ULK4: variants seen among roughly 807,000 people sequenced by gnomAD.
ULK4 encodes inactive serine/threonine-protein kinase ULK4.
A neutral mutation model predicts 160.6 loss-of-function variants in ULK4; 133 were observed. The ratio of observed to expected loss-of-function variants is 0.83; its 90% CI spans 0.72 to 0.96. ULK4 has a LOEUF of 0.96. Among genes scored for constraint, ULK4 ranks in the 40% least tolerant of loss-of-function variants. The pLI, the probability that ULK4 is intolerant of heterozygous loss-of-function variation, is 0.00. For missense variants in ULK4, 1,580 were observed against 1,499.5 expected (o/e 1.05, Z -0.89); for synonymous variants, 534 against 539.8 (o/e 0.99, Z 0.15).
At chr3:41,555,704 A>G (rs537725447) in intron 32 of ULK4, among the ~76,000 whole-genome samples, 3 of 152,382 alleles carry the variant, frequency 2.0e-5, no homozygotes, top group South Asian at 4.1e-4. Context: ...ATTCTATTAT[A>G]AAGACACATG....
intron 2 of ULK4, among the ~76,000 whole-genome samples, chr3:41,954,176 TAAAAAAAA>T (rs11325222): frequency 5.9e-5 from 7 of 118,688 alleles, no homozygotes; most frequent in African/African-American, 1.9e-4. Flanking sequence ...GACTCCGTCT[TAAAAAAAA>T]AAAAAAAAAA....
intron 34 of ULK4, among the ~76,000 whole-genome samples, chr3:41,410,582 A>G (rs2082390956): frequency 6.6e-6 from 1 of 152,194 alleles, no homozygotes; most frequent in Admixed American, 6.5e-5. Context: ...ATATTCTGGA[A>G]TTAGATAATG....
intron 35 of ULK4, among the ~76,000 whole-genome samples, chr3:41,273,649 C>G (rs1392325760): frequency 3.9e-5 from 6 of 152,116 alleles, no homozygotes; most frequent in Non-Finnish European, 8.8e-5. Flanking sequence ...TTGGTCCCAT[C>G]AAACCTCATG....
In ULK4 at chr3:41,663,681, T is replaced by TA. The variant is rs773546821; in HGVS notation, c.2996dup (p.Leu999PhefsTer4). ...CATATGCTGGTACTGGGTCAGGTTC[T>TA]AAAAGAATGTGCTCATACCTGAAAT... On this transcript the variant is annotated frameshift_variant, in exon 30 of 37. Coordinates refer to ENST00000301831, the MANE Select transcript of ULK4 (RefSeq NM_017886.4). LOFTEE classifies it high-confidence loss of function. The TA allele has an allele frequency of 1.2e-6, 2 of 1,613,904 alleles. No homozygotes were observed. Among genetic ancestry groups the TA allele is most frequent in the East Asian group, 4.5e-5 (2 of 44,842 alleles).
At chr3:41,461,534 G>A (rs942770252) in intron 33 of ULK4, among the ~76,000 whole-genome samples, 2 of 152,188 alleles carry the variant, frequency 1.3e-5, no homozygotes, top group Non-Finnish European at 2.9e-5. Flanking sequence ...CAGATATTAT[G>A]AGGGATGATT....
chr3:41,540,160 T>C (rs904083438), intron 32 of ULK4, among the ~76,000 whole-genome samples: 20 of 152,088 alleles, frequency 1.3e-4, no homozygotes, highest in African/African-American at 4.8e-4. Context: ...ACTGCACCCA[T>C]CAACCCGTCA....
At chr3:41,424,498 C>T (rs564819955) in intron 34 of ULK4, among the ~76,000 whole-genome samples, 197 of 152,264 alleles carry the variant, frequency 1.3e-3, no homozygotes, top group Non-Finnish European at 2.4e-3. Context: ...TGCCAGACAC[C>T]TTATACAAGA....
At chr3:41,797,839 T>C (rs1009001396) in intron 20 of ULK4, among the ~76,000 whole-genome samples, 6 of 148,194 alleles carry the variant, frequency 4.0e-5, no homozygotes, top group African/African-American at 2.5e-5. Flanking sequence ...CCAGCCTGGG[T>C]GACAAGAGCA....
intron 35 of ULK4, among the ~76,000 whole-genome samples, chr3:41,341,606 AGGTAAAGACCAAG>A (rs139847054): frequency 2.2e-3 from 330 of 152,320 alleles, no homozygotes; most frequent in East Asian, 0.015. Context: ...CAACCTGTAA[AGGTAAAGACCAAG>A]GGAAAAGAAC....
chr3:41,594,403 G>A (rs2031553529), intron 31 of ULK4, among the ~76,000 whole-genome samples: 5 of 152,066 alleles, frequency 3.3e-5, no homozygotes, highest in Admixed American at 3.3e-4. Flanking sequence ...AGCTGGGCAT[G>A]GTGGCACGTG....
intron 17 of ULK4, among the ~76,000 whole-genome samples, chr3:41,856,618 C>CAT (rs200681879): frequency 4.4e-4 from 40 of 91,136 alleles, no homozygotes; most frequent in South Asian, 1.1e-3. Context: ...TATATATACA[C>CAT]ATATATATAT....
chr3:41,896,803 G>A lies in ULK4; in HGVS notation c.1530+19C>T. Reference sequence around the variant, plus strand: ...AAAAACACAAATTAAAATGCATAAGGCATGTCACACAGGCTTACCAGGGGG... The same window carrying A: ...AAAAACACAAATTAAAATGCATAAGACATGTCACACAGGCTTACCAGGGGG... On this transcript the variant is annotated intron_variant, in intron 15 of 36. Coordinates refer to ENST00000301831, the MANE Select transcript of ULK4 (RefSeq NM_017886.4). The A allele has an allele frequency of 1.3e-6, 2 of 1,597,376 alleles. No homozygotes were observed.
chr3:41,803,960 CTTTATAGCAGCATGA>C (rs2040554135), intron 19 of ULK4, among the ~76,000 whole-genome samples: 1 of 152,138 alleles, frequency 6.6e-6, no homozygotes, highest in Non-Finnish European at 1.5e-5. Flanking sequence ...GTGCATGTGT[CTTTATAGCAGCATGA>C]TTTATAGTCC....
intron 30 of ULK4, among the ~76,000 whole-genome samples, chr3:41,648,349 C>G (rs2034600038): frequency 6.6e-6 from 1 of 151,632 alleles, no homozygotes; most frequent in South Asian, 2.1e-4. Context: ...GCTGCCCTCC[C>G]CAGTTTTTAC....
intron 35 of ULK4, among the ~76,000 whole-genome samples, chr3:41,287,318 A>G (rs2079479603): frequency 6.6e-6 from 1 of 152,178 alleles, no homozygotes; most frequent in Admixed American, 6.5e-5. Flanking sequence ...TGTTTAACTT[A>G]GTGGAAGGAA....
rs762525218 is a variant in ULK4, at chr3:41,705,100, G to T, written c.2738C>A (p.Ala913Glu). 2.3e-5 allele frequency: 37 copies of T among 1,613,724 alleles called. No individual in the cohort carries two copies. The highest frequency in any genetic ancestry group is 3.1e-5 in the Non-Finnish European group (37 of 1,179,932). The change falls in exon 27 of 37, where the codon GCA (alanine) becomes GAA (glutamate). Residue 913 changes from alanine to glutamate, a missense_variant. Physicochemically the swap from Ala to Glu is moderately radical, Grantham distance 107. Transcript: ENST00000301831. ...FIKITLSAFE[A>E]IIQYPILLKD... Reference sequence around the variant, plus strand: ...CAATAAAATAGGATACTGTATTATTGCTTCAAAAGCTGACAATGTGATCTT... The same window carrying T: ...CAATAAAATAGGATACTGTATTATTTCTTCAAAAGCTGACAATGTGATCTT...
chr3:41,574,920 A>T (rs938200244), intron 31 of ULK4, among the ~76,000 whole-genome samples: 1 of 142,608 alleles, frequency 7.0e-6, no homozygotes, highest in South Asian at 2.2e-4. Context: ...CTGTAGGCCA[A>T]CACAGGAAAC....
intron 32 of ULK4, among the ~76,000 whole-genome samples, chr3:41,539,734 C>T (rs943016154): frequency 2.6e-5 from 4 of 152,144 alleles, no homozygotes; most frequent in Non-Finnish European, 5.9e-5. Flanking sequence ...TCAGTAGCTA[C>T]TTACATCACA....
At chr3:41,727,246 T>C (rs1403785766) in intron 22 of ULK4, among the ~76,000 whole-genome samples, 1 of 152,218 alleles carries the variant, frequency 6.6e-6, no homozygotes, top group Non-Finnish European at 1.5e-5. Flanking sequence ...CAAAATGAGT[T>C]CAATGAGTAC....
Sources: gnomAD v4.1 joint callset for allele counts (sites outside exome capture counted in the v4.1 genomes callset) on GRCh38, gnomAD v4.1.1 for gene constraint, MANE v1.5 for transcripts, NCBI Gene and HGNC (gene_info 2026-07-23, HGNC 2026-07-21) for gene names.